The following PTPRD variants were observed in gnomAD, a reference collection of about 807,000 sequenced individuals.
PTPRD encodes receptor-type tyrosine-protein phosphatase delta.
In PTPRD, 34 loss-of-function variants were observed where a neutral mutation model predicts 214.5. The observed-to-expected ratio is 0.16, with a 90% CI of 0.12 to 0.21. The LOEUF (loss-of-function observed/expected upper bound fraction) is 0.21. Among genes scored for constraint, PTPRD ranks in the 10% least tolerant of loss-of-function variants. The pLI is 1.00. For synonymous variants in PTPRD, 1,128 were observed against 845.7 expected (o/e 1.33, Z -5.79); for missense variants, 2,545 against 2,398.7 (o/e 1.06, Z -1.27).
At chr9:9,583,455 C>A (rs1441262740) in intron 7 of PTPRD, among the ~76,000 whole-genome samples, 1 of 152,056 alleles carries the variant, frequency 6.6e-6, no homozygotes, top group Non-Finnish European at 1.5e-5. Flanking sequence ...AAAACGTCCT[C>A]TGAACCCTTT....
At chr9:8,999,940 T>C (rs926978193) in intron 11 of PTPRD, among the ~76,000 whole-genome samples, 2 of 152,028 alleles carry the variant, frequency 1.3e-5, no homozygotes, top group Non-Finnish European at 2.9e-5. Context: ...AGGGTCAAAG[T>C]ATCTGAGAAG....
chr9:9,306,087 G>A (rs888766106), intron 9 of PTPRD, among the ~76,000 whole-genome samples: 8 of 152,124 alleles, frequency 5.3e-5, no homozygotes, highest in African/African-American at 1.4e-4. Flanking sequence ...GTAGAACAGA[G>A]CCCAGGAAAT....
At chr9:8,383,920 A>G (rs1180049755) in intron 37 of PTPRD, among the ~76,000 whole-genome samples, 1 of 152,176 alleles carries the variant, frequency 6.6e-6, no homozygotes, top group East Asian at 1.9e-4. Context: ...TGCTAATACT[A>G]ATCAGGGTTA....
At chr9:9,316,360 G>T (rs879364020) in intron 9 of PTPRD, among the ~76,000 whole-genome samples, 2 of 151,934 alleles carry the variant, frequency 1.3e-5, no homozygotes, top group Non-Finnish European at 2.9e-5. Context: ...TTTCAGGTTA[G>T]AATACTTTAA....
At chr9:9,140,134 G>C (rs1029112359) in intron 10 of PTPRD, among the ~76,000 whole-genome samples, 2 of 150,370 alleles carry the variant, frequency 1.3e-5, no homozygotes, top group Non-Finnish European at 2.9e-5. Context: ...GTTACTATTA[G>C]GAACTAAAGA....
chr9:10,129,918 T>C lies in PTPRD; in HGVS notation c.-544-96128A>G, dbSNP rs143507975. 3.9e-4 allele frequency among the ~76,000 whole-genome samples: 58 copies of C among 150,602 alleles called. 1 individual carries two copies. The East Asian group carries it at 0.01, about 27-fold the overall frequency. ...GAATAAAAATGGTAGTTTGGTTTAG[T>C]GGAAATAACCAAATGTTTTTTTTTA... On this transcript the variant is annotated intron_variant, in intron 3 of 45. Transcript: ENST00000381196.
chr9:8,992,815 T>C (rs2099381979), intron 11 of PTPRD, among the ~76,000 whole-genome samples: 2 of 152,152 alleles, frequency 1.3e-5, no homozygotes, highest in African/African-American at 4.8e-5. Context: ...GAAACTTAAG[T>C]GCAAGGAGCA....
chr9:8,582,622 G>A (rs2093277409), intron 14 of PTPRD, among the ~76,000 whole-genome samples: 1 of 152,136 alleles, frequency 6.6e-6, no homozygotes, highest in Admixed American at 6.5e-5. Flanking sequence ...GGAGAATAAG[G>A]ATAAGAAAGA....
intron 2 of PTPRD, among the ~76,000 whole-genome samples, chr9:10,465,474 T>C (rs1305985798): frequency 1.3e-5 from 2 of 152,006 alleles, no homozygotes; most frequent in Non-Finnish European, 2.9e-5. Context: ...TACTAAAGAG[T>C]GTCGTCATGT....
chr9:10,101,062 A>C (rs1416155333), intron 3 of PTPRD, among the ~76,000 whole-genome samples: 1 of 151,654 alleles, frequency 6.6e-6, no homozygotes, highest in Non-Finnish European at 1.5e-5. Context: ...CCTGGCCAGA[A>C]ACCTCAAATA....
At chr9:9,770,446 G>A (rs2098743183) in intron 5 of PTPRD, among the ~76,000 whole-genome samples, 1 of 152,040 alleles carries the variant, frequency 6.6e-6, no homozygotes, top group Non-Finnish European at 1.5e-5. Flanking sequence ...GCAAAACTAA[G>A]ATACATTTGT....
chr9:9,463,221 C>CT (rs1256081682), intron 8 of PTPRD, among the ~76,000 whole-genome samples: 1 of 152,138 alleles, frequency 6.6e-6, no homozygotes, highest in African/African-American at 2.4e-5. Flanking sequence ...TGGAAATTTG[C>CT]TTTAAGAATC....
intron 7 of PTPRD, among the ~76,000 whole-genome samples, chr9:9,576,458 G>A (rs1485914207): frequency 1.3e-5 from 2 of 151,844 alleles, no homozygotes; most frequent in African/African-American, 4.8e-5. Context: ...AGCAAGGATA[G>A]AGATGATTTC....
intron 12 of PTPRD, among the ~76,000 whole-genome samples, chr9:8,709,339 C>A (rs1289618910): frequency 6.6e-6 from 1 of 151,414 alleles, no homozygotes; most frequent in Non-Finnish European, 1.5e-5. Flanking sequence ...ACAGTGAAAC[C>A]CTGTCTCTAC....
intron 5 of PTPRD, among the ~76,000 whole-genome samples, chr9:9,820,478 T>C (rs893526918): frequency 1.3e-5 from 2 of 152,158 alleles, no homozygotes; most frequent in African/African-American, 2.4e-5. Flanking sequence ...GCAGAAGCTC[T>C]TTAGTTTAAT....
chr9:8,465,315 T>C (rs1042598117), intron 32 of PTPRD, 151 bp downstream of exon 32: 10 of 680,106 alleles, frequency 1.5e-5, no homozygotes, highest in Middle Eastern at 3.6e-4. Flanking sequence ...TATTGAGCAA[T>C]GTTCAAAGAG....
chr9:9,560,133 C>T (rs1446767391), intron 8 of PTPRD, among the ~76,000 whole-genome samples: 1 of 152,194 alleles, frequency 6.6e-6, no homozygotes, highest in East Asian at 1.9e-4. Flanking sequence ...GGTTGCACAG[C>T]AATGTTCTTC....
chr9:10,549,371 A>T (rs1471609564), intron 2 of PTPRD, among the ~76,000 whole-genome samples: 5 of 152,164 alleles, frequency 3.3e-5, no homozygotes, highest in Non-Finnish European at 7.3e-5. Context: ...CTTTTAACTA[A>T]AGGAAAAAAG....
At chr9:8,559,072 C>A (rs181661874) in intron 14 of PTPRD, among the ~76,000 whole-genome samples, 91 of 152,132 alleles carry the variant, frequency 6.0e-4, no homozygotes, top group Non-Finnish European at 1.1e-3. Context: ...CTCTTTTATG[C>A]CAAATTGTTT....
Sources: gnomAD v4.1 joint callset for allele counts (sites outside exome capture counted in the v4.1 genomes callset) on GRCh38, gnomAD v4.1.1 for gene constraint, MANE v1.5 for transcripts, NCBI Gene and HGNC (gene_info 2026-07-23, HGNC 2026-07-21) for gene names.